Variants in DENND2B observed in about 807,000 individuals in gnomAD.
DENND2B encodes the protein DENN domain containing 2B, also known as DENN domain-containing protein 2B.
Under a neutral mutation model 116.0 loss-of-function variants are expected in DENND2B, and 32 were observed. The ratio of observed to expected loss-of-function variants is 0.28; its 90% CI spans 0.21 to 0.37. The LOEUF is 0.37. Ranked by LOEUF, DENND2B falls within the 10% of genes least tolerant of loss-of-function variation. The pLI is 1.00. For missense variants in DENND2B, 1,276 were observed against 1,477.7 expected, an observed-to-expected ratio of 0.86 and a Z score of 2.24; for synonymous variants, 588 against 583.9, an observed-to-expected ratio of 1.01 and a Z score of -0.10.
chr11:8,779,968 G>C (rs1462763343), intron 1 of DENND2B, among the ~76,000 whole-genome samples: 2 of 152,224 alleles, frequency 1.3e-5, no homozygotes, highest in African/African-American at 4.8e-5. Context: ...GGCTCCCCCA[G>C]GTGCAGTGTG....
At chr11:8,694,914 T>C (rs191268838) in intron 19 of DENND2B, among the ~76,000 whole-genome samples, 4 of 152,222 alleles carry the variant, frequency 2.6e-5, no homozygotes, top group African/African-American at 9.6e-5. Flanking sequence ...ATTTTAAAAA[T>C]AGCCAGGTGT....
At chr11:8,889,787 G>A (rs999458462) in intron 1 of DENND2B, among the ~76,000 whole-genome samples, 1 of 152,216 alleles carries the variant, frequency 6.6e-6, no homozygotes, top group African/African-American at 2.4e-5. Flanking sequence ...AAGGAGGCCT[G>A]CCTGCCTCTG....
At chr11:8,856,119 G>A (rs1263257149) in intron 3 of DENND2B, among the ~76,000 whole-genome samples, 3 of 152,186 alleles carry the variant, frequency 2.0e-5, no homozygotes, top group African/African-American at 7.2e-5. Flanking sequence ...GGGGCTAAAA[G>A]AGCTTAACAT....
chr11:8,714,661 T>C lies in DENND2B; in HGVS notation c.1891A>G (p.Lys631Glu). 1 of 1,614,198 alleles carries C rather than the reference T, an allele frequency of 6.2e-7. No individual in the cohort carries two copies. Among genetic ancestry groups the C allele is most frequent in the Non-Finnish European group, 8.5e-7 (1 of 1,180,044 alleles). ...GACATAGACAACTTTTTTAATCTCT[T>C]CTTTCCTCTCTTGGCATTGTAGATG... ...NSIYNAKRGK[K>E]RLKKLSMSSI... Residue 631 changes from lysine to glutamate, a missense_variant, in exon 7 of 20, where the codon AAG becomes GAG. Coordinates refer to ENST00000313726, the MANE Select transcript of DENND2B (RefSeq NM_213618.2).
At chr11:8,878,246 C>A (rs1425925807) in intron 2 of DENND2B, among the ~76,000 whole-genome samples, 1 of 152,146 alleles carries the variant, frequency 6.6e-6, no homozygotes, top group Non-Finnish European at 1.5e-5. Context: ...CATAGAATTA[C>A]CATGTGACCA....
chr11:8,751,621 C>T (rs559780952), intron 1 of DENND2B, among the ~76,000 whole-genome samples: 1 of 152,242 alleles, frequency 6.6e-6, no homozygotes, highest in South Asian at 2.1e-4. Context: ...GAACAAACTA[C>T]AGACATGCGG....
At chr11:8,771,497 T>C (rs527357927) in intron 1 of DENND2B, among the ~76,000 whole-genome samples, 88 of 147,056 alleles carry the variant, frequency 6.0e-4, no homozygotes, top group African/African-American at 2.2e-3. Context: ...TCTCTACATA[T>C]AATAAGGAAT....
At position 8,712,059 on chromosome 11, in the gene DENND2B, G is replaced by C. The variant is rs746334355; in HGVS notation, c.2172+492C>G. 12 of 451,072 alleles carry C rather than the reference G, an allele frequency of 2.7e-5. No individual in the cohort carries two copies. Among genetic ancestry groups the C allele is most frequent in the Admixed American group, 1.9e-4 (8 of 42,054 alleles). The allele number at this position is 451,072 out of a possible 1,614,324, so 27.9% of individuals were successfully genotyped here. A position where few individuals can be genotyped will look rare whatever the true frequency, so the allele number is the denominator to read the frequency against. On this transcript the variant is annotated intron_variant, in intron 9 of 19. Coordinates refer to ENST00000313726, the MANE Select transcript of DENND2B (RefSeq NM_213618.2). This position sits in a 1 kb window ranked among gnomAD's most constrained non-coding sequence, Gnocchi z 4.4. ...TTCCTGGCAGAGGCAATGGCAGAGA[G>C]AGAGGGGTTGAGTGTGAGAGGAAGA...
chr11:8,719,051 G>C (rs1323888394), intron 4 of DENND2B: 1 of 985,496 alleles, frequency 1.0e-6, no homozygotes, highest in African/African-American at 1.7e-5. Flanking sequence ...TTGAGCCTGG[G>C]TGCCACTGAG....
At chr11:8,823,194 A>T (rs924502828) in intron 4 of DENND2B, among the ~76,000 whole-genome samples, 17 of 152,306 alleles carry the variant, frequency 1.1e-4, no homozygotes, top group African/African-American at 3.8e-4. Flanking sequence ...GCACATACAT[A>T]TGGCAAAGAA....
At position 8,829,943 on chromosome 11, in the gene DENND2B, G is replaced by A. The variant is rs573804760; in HGVS notation, c.-115+9367C>T. Among the ~76,000 whole-genome samples, 60 of 152,278 alleles carry A rather than the reference G, an allele frequency of 3.9e-4. No homozygotes were observed. In the South Asian group the frequency reaches 9.3e-3, roughly 24 times the overall value. ...TGGTTAGCTCTCACAGGTCAGAAAC[G>A]TTGGTGTCTTCCGTCTTGCCCCTCA... On this transcript the variant is annotated intron_variant, in intron 4 of 6. Coordinates refer to the DENND2B transcript ENST00000524757.
chr11:8,735,689 A>G (rs1398340340), intron 2 of DENND2B, among the ~76,000 whole-genome samples: 1 of 152,148 alleles, frequency 6.6e-6, no homozygotes. Flanking sequence ...CTGGAAGTGG[A>G]GCTAGTTCAG....
intron 3 of DENND2B, among the ~76,000 whole-genome samples, chr11:8,843,063 C>G (rs576778301): frequency 6.6e-6 from 1 of 152,132 alleles, no homozygotes; most frequent in Non-Finnish European, 1.5e-5. Context: ...GTCACCCAGG[C>G]TGGAGTGCAG....
chr11:8,906,525 A>AAAC lies in DENND2B; in HGVS notation c.-256+4295_-256+4296insGTT, dbSNP rs1457136345. Among the ~76,000 whole-genome samples, 25 of 152,002 alleles carry AAAC rather than the reference A, an allele frequency of 1.6e-4. No individual in the cohort carries two copies. In the South Asian group the frequency reaches 4.8e-3, roughly 29 times the overall value. On this transcript the variant is annotated intron_variant, in intron 1 of 22. Transcript: ENST00000534127. ...AGAAGTCTTCAAAAAAAAAAAAAAA[A>AAAC]AAACTCTACATAAATTTCAACTGTT...
chr11:8,754,363 C>T (rs1002108627), intron 1 of DENND2B, among the ~76,000 whole-genome samples: 1 of 152,144 alleles, frequency 6.6e-6, no homozygotes, highest in African/African-American at 2.4e-5. Flanking sequence ...ATCAAAACCA[C>T]ATGAGATATT....
At chr11:8,708,992 T>G (rs1036099988) in intron 11 of DENND2B, among the ~76,000 whole-genome samples, 4 of 149,010 alleles carry the variant, frequency 2.7e-5, no homozygotes, top group East Asian at 3.9e-4. Flanking sequence ...AGGGGAGACA[T>G]GCACTGAGAG....
chr11:8,854,009 C>G (rs1360322797), intron 3 of DENND2B, among the ~76,000 whole-genome samples: 7 of 118,246 alleles, frequency 5.9e-5, no homozygotes, highest in African/African-American at 1.8e-4. Flanking sequence ...CCACCATGCC[C>G]CAGTTAATTT....
chr11:8,715,724 T>C lies in DENND2B; in HGVS notation c.1724A>G (p.His575Arg), dbSNP rs1165864371. ...CTGAGCCAGCAGCAGCATGTCGTCA[T>C]GGCTGTGCCTCTTGGGTAATCGTGG... is the stretch of plus-strand genomic sequence containing the variant. Reference protein sequence around the residue: ...RLPRLPKRHSHDDMLLLAQLS... With the variant: ...RLPRLPKRHSRDDMLLLAQLS... The change falls in exon 6 of 20, where the codon CAT becomes CGT. Residue 575 changes from histidine to arginine, a missense_variant. Around this residue, in one of 2 missense-constraint regions of DENND2B, gnomAD observed 856 missense variants for 846.6 expected, o/e 1.01. Coordinates refer to ENST00000313726, the MANE Select transcript of DENND2B (RefSeq NM_213618.2). The C allele has an allele frequency of 3.1e-6, 5 of 1,614,240 alleles. No homozygotes were observed. The South Asian group carries it at 4.4e-5, about 14-fold the overall frequency.
In DENND2B at chr11:8,702,983, TCCATCG is replaced by T. The variant is rs1210747334; in HGVS notation, c.2572-269_2572-264del. 8.4e-6 allele frequency: 4 copies of T among 475,130 alleles called. No individual in the cohort carries two copies. The highest frequency in any genetic ancestry group is 1.5e-5 in the Non-Finnish European group (4 of 263,328). The allele number at this position is 475,130 out of a possible 1,614,324, so 29.4% of individuals were successfully genotyped here. On this transcript the variant is annotated intron_variant, in intron 13 of 19. Coordinates refer to ENST00000313726, the MANE Select transcript of DENND2B (RefSeq NM_213618.2). The surrounding 1 kb of genome is among the most constrained non-coding windows in gnomAD (Gnocchi z 4.6). ...CCAGAAGGAAGGAGTTGAGGGGCCA[TCCATCG>T]GGACCTCAGGAAGAGAGGAGAGCTG...
Sources: allele counts gnomAD v4.1 joint callset (sites outside exome capture counted in the v4.1 genomes callset), GRCh38; gene constraint gnomAD v4.1.1; regional missense constraint gnomAD v4.1.1; non-coding constraint Gnocchi (gnomAD v3.1); transcripts MANE v1.5; gene names NCBI Gene and HGNC (gene_info 2026-07-23, HGNC 2026-07-21).